ARNT2: variants seen among roughly 807,000 people sequenced by gnomAD.
The protein encoded by ARNT2 is aryl hydrocarbon receptor nuclear translocator 2.
Under a neutral mutation model 91.7 loss-of-function variants are expected in ARNT2, and 36 were observed. The ratio of observed to expected loss-of-function variants is 0.39; its 90% CI spans 0.30 to 0.52. The LOEUF (loss-of-function observed/expected upper bound fraction) is 0.52, where lower values mean the gene tolerates loss of function less well. ARNT2 is among the 20% of genes least tolerant of loss of function. The pLI is 0.72. For missense variants in ARNT2, 775 were observed against 939.3 expected, an observed-to-expected ratio of 0.83 and a Z score of 2.29; for synonymous variants, 365 against 347.1, an observed-to-expected ratio of 1.05 and a Z score of -0.57.
rs192951900 is a variant in ARNT2, at chr15:80,468,644, C to T, written c.195-1574C>T. Among the ~76,000 whole-genome samples, 460 of 144,436 alleles carry T rather than the reference C, an allele frequency of 3.2e-3. 1 individual carries two copies. Among genetic ancestry groups the T allele is most frequent in the African/African-American group, 0.013 (441 of 34,214 alleles). 94.8% of individuals were successfully genotyped at this position (144,436 alleles called of 152,430 possible). On this transcript the variant is annotated intron_variant, in intron 3 of 18. Coordinates refer to ENST00000303329, the MANE Select transcript of ARNT2 (RefSeq NM_014862.4). ...AGCCCCAGGACCACCTCCTCCTCTTCGCTATATCGTTCTCCATTGTGGTTT... is the reference window on the plus strand; with the variant it reads ...AGCCCCAGGACCACCTCCTCCTCTTTGCTATATCGTTCTCCATTGTGGTTT...
At chr15:80,438,896 G>T (rs1323185684) in intron 1 of ARNT2, among the ~76,000 whole-genome samples, 1 of 152,104 alleles carries the variant, frequency 6.6e-6, no homozygotes. Context: ...TCACTGTGTT[G>T]GCCAGACTGG....
chr15:80,555,175 T>C (rs2141458855), intron 11 of ARNT2, 36 bp downstream of exon 11: 1 of 1,603,766 alleles, frequency 6.2e-7, no homozygotes, highest in Non-Finnish European at 8.5e-7. Context: ...AGCTGATGCA[T>C]AGTCTGGGCA....
At chr15:80,448,332 C>T (rs938612143) in intron 1 of ARNT2, among the ~76,000 whole-genome samples, 8 of 152,144 alleles carry the variant, frequency 5.3e-5, no homozygotes, top group South Asian at 2.1e-4. Context: ...TGAAATAGGA[C>T]GTGAAAATAA....
intron 3 of ARNT2, among the ~76,000 whole-genome samples, chr15:80,461,056 G>T (rs72747537): frequency 0.23 from 34,553 of 152,056 alleles, 4,186 homozygotes; most frequent in Non-Finnish European, 0.28. Flanking sequence ...GCTGTGTGCC[G>T]CAGGTGGGAA....
chr15:80,450,835 G>A, intron 1 of ARNT2, 45 bp from the exon 2 acceptor site: 1 of 1,595,652 alleles, frequency 6.3e-7, no homozygotes, highest in Non-Finnish European at 8.6e-7. Context: ...CCGTTACTGG[G>A]CTTTTCTGGC....
chr15:80,572,974 A>G (rs892624987), intron 12 of ARNT2, among the ~76,000 whole-genome samples: 8 of 152,222 alleles, frequency 5.3e-5, no homozygotes, highest in Non-Finnish European at 1.5e-5. Flanking sequence ...CCAACTTTGC[A>G]TGGGTAGCTC....
chr15:80,552,686 C>T lies in ARNT2; in HGVS notation c.1001C>T (p.Pro334Leu), dbSNP rs771363140. The T allele has an allele frequency of 3.1e-6, 5 of 1,614,090 alleles. No homozygotes were observed. Among genetic ancestry groups the T allele is most frequent in the Non-Finnish European group, 4.2e-6 (5 of 1,179,978 alleles). The change falls in exon 10 of 19, where the codon CCC becomes CTC. Residue 334 changes from proline to leucine, a missense_variant. Transcript: ENST00000303329. ...ATGGACATGAATGGGATGTCGGTGC[C>T]CACAGAGTTCTTATCCCGGCATAAC... is the stretch of plus-strand genomic sequence containing the variant. ...VCMDMNGMSV[P>L]TEFLSRHNSD...
chr15:80,557,255 T>G lies in ARNT2; in HGVS notation c.1164+2116T>G, dbSNP rs546474090. Among the ~76,000 whole-genome samples the G allele has an allele frequency of 3.9e-5, 6 of 152,302 alleles. No individual in the cohort carries two copies. The East Asian group carries it at 1.2e-3, about 29-fold the overall frequency. On this transcript the variant is annotated intron_variant, in intron 11 of 18. Transcript: ENST00000303329. ...CTTTCTTCCCACTTCTGGCCTCCTCTGCTGGTTTCTCCTCTTCTGCCTTCT... is the reference window on the plus strand; with the variant it reads ...CTTTCTTCCCACTTCTGGCCTCCTCGGCTGGTTTCTCCTCTTCTGCCTTCT...
At chr15:80,410,966 C>T (rs185755972) in intron 1 of ARNT2, among the ~76,000 whole-genome samples, 13 of 152,254 alleles carry the variant, frequency 8.5e-5, no homozygotes, top group South Asian at 2.1e-4. Flanking sequence ...TTTAGCCAAG[C>T]TCCTTTCCAA....
At chr15:80,410,048 A>G (rs1330021059) in intron 1 of ARNT2, among the ~76,000 whole-genome samples, 4 of 152,220 alleles carry the variant, frequency 2.6e-5, no homozygotes, top group Non-Finnish European at 4.4e-5. Flanking sequence ...AGCAAGGGGC[A>G]TGATCTGACC....
At chr15:80,513,518 C>T (rs929042596) in intron 6 of ARNT2, among the ~76,000 whole-genome samples, 2 of 152,134 alleles carry the variant, frequency 1.3e-5, no homozygotes, top group South Asian at 4.1e-4. Flanking sequence ...TGTCACTGCT[C>T]AGGCCTGAAG....
At chr15:80,479,774 G>A (rs896164435) in intron 5 of ARNT2, among the ~76,000 whole-genome samples, 1 of 152,104 alleles carries the variant, frequency 6.6e-6, no homozygotes, top group African/African-American at 2.4e-5. Flanking sequence ...TCCTGGGCCC[G>A]GCTCTCTTGG....
intron 9 of ARNT2, 26 bp downstream of exon 9, chr15:80,551,301 A>C (rs1433483983): frequency 1.4e-5 from 23 of 1,596,548 alleles, no homozygotes; most frequent in Middle Eastern, 3.3e-4. Flanking sequence ...TAGCCTTTTT[A>C]ATCTTAAATG....
chr15:80,467,467 C>T (rs918253545), intron 3 of ARNT2, among the ~76,000 whole-genome samples: 3 of 152,020 alleles, frequency 2.0e-5, no homozygotes, highest in African/African-American at 7.2e-5. Context: ...GCCTAATGAG[C>T]GAGATCCCAG....
intron 17 of ARNT2, among the ~76,000 whole-genome samples, chr15:80,589,237 A>G (rs900152851): frequency 6.6e-6 from 1 of 152,166 alleles, no homozygotes; most frequent in Non-Finnish European, 1.5e-5. Context: ...AGAGTGTTGG[A>G]TACTCAAGAG....
intron 8 of ARNT2, among the ~76,000 whole-genome samples, chr15:80,540,839 A>G (rs924052754): frequency 2.0e-5 from 3 of 151,904 alleles, no homozygotes; most frequent in Admixed American, 6.6e-5. Context: ...ATTCTTTTTT[A>G]TGGCCATGTA....
chr15:80,539,291 A>G (rs1897870572), intron 8 of ARNT2, among the ~76,000 whole-genome samples: 1 of 152,196 alleles, frequency 6.6e-6, no homozygotes, highest in Non-Finnish European at 1.5e-5. Context: ...TAGTTATAGA[A>G]ATACATACTA....
chr15:80,471,071 T>A (rs1896725245), intron 4 of ARNT2, among the ~76,000 whole-genome samples: 1 of 152,248 alleles, frequency 6.6e-6, no homozygotes, highest in South Asian at 2.1e-4. Flanking sequence ...TAAAGACATA[T>A]GCTTACGTAT....
At chr15:80,415,601 G>A (rs1016382040) in intron 1 of ARNT2, among the ~76,000 whole-genome samples, 2 of 152,200 alleles carry the variant, frequency 1.3e-5, no homozygotes, top group South Asian at 2.1e-4. Flanking sequence ...AGGCCTGCCC[G>A]GAGGCCATTT....
Sources: gnomAD v4.1 joint callset for allele counts (sites outside exome capture counted in the v4.1 genomes callset) on GRCh38, gnomAD v4.1.1 for gene constraint, MANE v1.5 for transcripts, NCBI Gene and HGNC (gene_info 2026-07-23, HGNC 2026-07-21) for gene names.